TAFA1: variants seen among roughly 807,000 people sequenced by gnomAD.
TAFA1 encodes TAFA chemokine like family member 1.
TAFA1 carries 4 observed loss-of-function variants against 18.5 expected under a neutral mutation model. The ratio of observed to expected loss-of-function variants is 0.22; its 90% confidence interval spans 0.11 to 0.49. TAFA1 has a LOEUF of 0.49. Among genes scored for constraint, TAFA1 ranks in the 20% least tolerant of loss-of-function variants. The pLI is 0.98. For synonymous variants in TAFA1, 56 were observed against 55.2 expected (o/e 1.01, Z -0.06); for missense variants, 147 against 169.0 (o/e 0.87, Z 0.72).
chr3:68,120,175 TTCTTTCTTTCTTTC>T (rs1247890512), intron 2 of TAFA1, among the ~76,000 whole-genome samples: 58 of 17,140 alleles, frequency 3.4e-3, no homozygotes, highest in Non-Finnish European at 6.9e-3. Context: ...TTCTTTCTCT[TTCTTTCTTTCTTTC>T]TTTCTTTCTT....
chr3:68,322,447 G>A (rs914910732), intron 2 of TAFA1, among the ~76,000 whole-genome samples: 3 of 152,136 alleles, frequency 2.0e-5, no homozygotes, highest in African/African-American at 7.2e-5. Context: ...ACAATCCTAA[G>A]ACGTCATTGC....
At chr3:68,118,255 A>G (rs930676056) in intron 2 of TAFA1, among the ~76,000 whole-genome samples, 1 of 152,164 alleles carries the variant, frequency 6.6e-6, no homozygotes, top group Non-Finnish European at 1.5e-5. Flanking sequence ...TCGATTCTCA[A>G]GGAGCACACA....
intron 3 of TAFA1, among the ~76,000 whole-genome samples, chr3:68,479,241 A>AAATATATATAT (rs1353493315): frequency 4.9e-5 from 6 of 123,668 alleles, no homozygotes; most frequent in East Asian, 5.0e-4. Context: ...AAAAAAAAAA[A>AAATATATATAT]ATATATATAT....
At chr3:68,363,271 C>T (rs746096017) in intron 2 of TAFA1, among the ~76,000 whole-genome samples, 5 of 152,064 alleles carry the variant, frequency 3.3e-5, no homozygotes, top group South Asian at 2.1e-4. Context: ...TGAATGAGAG[C>T]GGCACACATG....
chr3:68,299,803 G>C (rs746114584), intron 2 of TAFA1, among the ~76,000 whole-genome samples: 1 of 152,120 alleles, frequency 6.6e-6, no homozygotes, highest in Non-Finnish European at 1.5e-5. Context: ...ATACAGCTCA[G>C]ACCACTGCTT....
intron 2 of TAFA1, among the ~76,000 whole-genome samples, chr3:68,275,282 G>A (rs921691206): frequency 6.6e-6 from 1 of 152,018 alleles, no homozygotes; most frequent in African/African-American, 2.4e-5. Context: ...AATATGGAGG[G>A]CAATCTTTGT....
intron 2 of TAFA1, among the ~76,000 whole-genome samples, chr3:68,283,830 A>G (rs2067946943): frequency 6.6e-6 from 1 of 152,130 alleles, no homozygotes; most frequent in Admixed American, 6.5e-5. Context: ...TTCCTTTTAT[A>G]CATTGCATGG....
chr3:68,066,165 A>C (rs2064675753), intron 2 of TAFA1, among the ~76,000 whole-genome samples: 1 of 152,150 alleles, frequency 6.6e-6, no homozygotes. Flanking sequence ...AATTTATCAA[A>C]TCATACATGA....
rs138112026 is a variant in TAFA1, at chr3:68,019,379, G to A, written c.118+12635G>A. On this transcript the variant is annotated intron_variant, in intron 2 of 4. Coordinates refer to ENST00000478136, the MANE Select transcript of TAFA1 (RefSeq NM_213609.4). ...TTTTAGACTCCATAGACCCTTTTGT[G>A]CCCCAGTCAGGGAAGCAGCAGCATA... 9.0e-4 allele frequency among the ~76,000 whole-genome samples: 137 copies of A among 152,224 alleles called. 2 individuals carry two copies. Among genetic ancestry groups the A allele is most frequent in the African/African-American group, 3.0e-3 (123 of 41,532 alleles).
intron 3 of TAFA1, among the ~76,000 whole-genome samples, chr3:68,420,323 C>T (rs1452845887): frequency 6.6e-6 from 1 of 152,104 alleles, no homozygotes; most frequent in Non-Finnish European, 1.5e-5. Context: ...GCCATGGCAC[C>T]ATCATAGCTT....
chr3:68,360,740 G>A (rs567528664), intron 2 of TAFA1, among the ~76,000 whole-genome samples: 49 of 152,030 alleles, frequency 3.2e-4, no homozygotes, highest in Non-Finnish European at 6.0e-4. Flanking sequence ...AAATCACTGA[G>A]TCATATGGAA....
At chr3:68,076,920 AC>A (rs1214612266) in intron 2 of TAFA1, among the ~76,000 whole-genome samples, 6 of 152,180 alleles carry the variant, frequency 3.9e-5, no homozygotes, top group African/African-American at 1.2e-4. Flanking sequence ...TTACAATCCC[AC>A]CAACAGTGTA....
At chr3:68,241,599 C>T (rs1034992656) in intron 2 of TAFA1, among the ~76,000 whole-genome samples, 5 of 152,114 alleles carry the variant, frequency 3.3e-5, no homozygotes, top group Non-Finnish European at 7.4e-5. Context: ...TCCCATGGTG[C>T]CTTGGGAGCA....
At chr3:68,210,012 T>A (rs942255252) in intron 2 of TAFA1, among the ~76,000 whole-genome samples, 25 of 151,496 alleles carry the variant, frequency 1.7e-4, no homozygotes, top group African/African-American at 5.1e-4. Context: ...TCCATCACAA[T>A]TTTTTTCCCC....
chr3:68,374,259 A>G (rs964623122), intron 2 of TAFA1, among the ~76,000 whole-genome samples: 1 of 152,158 alleles, frequency 6.6e-6, no homozygotes, highest in Non-Finnish European at 1.5e-5. Context: ...CTCCTGGCCA[A>G]TCCACTGAGG....
intron 3 of TAFA1, among the ~76,000 whole-genome samples, chr3:68,525,537 T>C (rs1293361927): frequency 1.3e-5 from 2 of 152,222 alleles, no homozygotes; most frequent in African/African-American, 4.8e-5. Flanking sequence ...TGGTATTGTA[T>C]AGGAAAACAA....
At chr3:68,152,401 C>T (rs1314309114) in intron 2 of TAFA1, among the ~76,000 whole-genome samples, 1 of 152,076 alleles carries the variant, frequency 6.6e-6, no homozygotes, top group East Asian at 1.9e-4. Context: ...TGACAAGTTC[C>T]ATAAGAAGTA....
At chr3:68,233,434 T>C (rs1470520959) in intron 2 of TAFA1, among the ~76,000 whole-genome samples, 2 of 152,210 alleles carry the variant, frequency 1.3e-5, no homozygotes, top group East Asian at 3.9e-4. Context: ...TGAAAATCAG[T>C]TGAAGTAAAT....
intron 2 of TAFA1, among the ~76,000 whole-genome samples, chr3:68,252,573 T>A (rs2067218458): frequency 6.6e-6 from 1 of 152,160 alleles, no homozygotes; most frequent in Non-Finnish European, 1.5e-5. Flanking sequence ...TCAGACATCG[T>A]CAGGCATCTC....
Sources: gnomAD v4.1 joint callset for allele counts (sites outside exome capture counted in the v4.1 genomes callset) on GRCh38, gnomAD v4.1.1 for gene constraint, MANE v1.5 for transcripts, NCBI Gene and HGNC (gene_info 2026-07-23, HGNC 2026-07-21) for gene names.